MARCHF1: variants seen among roughly 807,000 people sequenced by gnomAD.
MARCHF1 encodes membrane associated ring-CH-type finger 1, also known as E3 ubiquitin-protein ligase MARCHF1.
MARCHF1 carries 40 observed loss-of-function variants against 54.2 expected under a neutral mutation model. The ratio of observed to expected loss-of-function variants is 0.74; its 90% confidence interval spans 0.57 to 0.96. The LOEUF is 0.96. Among genes scored for constraint, MARCHF1 ranks in the 40% least tolerant of loss-of-function variants. The pLI is 0.00. For synonymous variants in MARCHF1, 236 were observed against 236.3 expected (o/e 1.00, Z 0.01); for missense variants, 586 against 656.5 (o/e 0.89, Z 1.17).
At chr4:163,984,004 T>A (rs1212885265) in intron 3 of MARCHF1, among the ~76,000 whole-genome samples, 1 of 151,872 alleles carries the variant, frequency 6.6e-6, no homozygotes, top group African/African-American at 2.4e-5. Flanking sequence ...ACTAAAAATT[T>A]ATTTTACTAA....
At chr4:164,157,585 G>A (rs78670381) in intron 1 of MARCHF1, among the ~76,000 whole-genome samples, 3,480 of 152,196 alleles carry the variant, frequency 0.023, 121 homozygotes, top group African/African-American at 0.078. Flanking sequence ...GCAGGGCCAC[G>A]CTCGCTCTGA....
At chr4:163,826,415 TA>T (rs1265326090) in intron 4 of MARCHF1, among the ~76,000 whole-genome samples, 1 of 152,074 alleles carries the variant, frequency 6.6e-6, no homozygotes, top group African/African-American at 2.4e-5. Context: ...AAAATTCACT[TA>T]AAAAATTTTA....
At chr4:164,380,176 CAGAT>C (rs951178555) in intron 1 of MARCHF1, among the ~76,000 whole-genome samples, 28 of 152,120 alleles carry the variant, frequency 1.8e-4, no homozygotes, top group African/African-American at 6.3e-4. Flanking sequence ...TTTAACATAC[CAGAT>C]ATTCTAAAAC....
chr4:163,632,558 C>T (rs1350202478), intron 5 of MARCHF1, among the ~76,000 whole-genome samples: 1 of 152,196 alleles, frequency 6.6e-6, no homozygotes, highest in Non-Finnish European at 1.5e-5. Context: ...AAACGGCGCA[C>T]CACAAGATTA....
chr4:164,165,565 G>T (rs1262551144), intron 1 of MARCHF1, among the ~76,000 whole-genome samples: 1 of 151,924 alleles, frequency 6.6e-6, no homozygotes, highest in Non-Finnish European at 1.5e-5. Flanking sequence ...ACAGCATTTT[G>T]TTATGGCCAT....
chr4:163,583,389 G>C (rs1740291941), intron 8 of MARCHF1, among the ~76,000 whole-genome samples: 1 of 152,084 alleles, frequency 6.6e-6, no homozygotes, highest in Admixed American at 6.5e-5. Context: ...TGTGGGTGCT[G>C]GGGAAGCAAC....
At chr4:163,743,372 A>G (rs1746263062) in intron 4 of MARCHF1, among the ~76,000 whole-genome samples, 1 of 152,226 alleles carries the variant, frequency 6.6e-6, no homozygotes, top group South Asian at 2.1e-4. Context: ...AAGCATCTAA[A>G]GATTGTTTTC....
At chr4:164,012,359 T>C (rs1753439715) in intron 2 of MARCHF1, among the ~76,000 whole-genome samples, 1 of 151,976 alleles carries the variant, frequency 6.6e-6, no homozygotes, top group Admixed American at 6.6e-5. Flanking sequence ...TGAGCCTAAG[T>C]AAAATGAAGC....
At chr4:164,164,669 G>T (rs1431000) in intron 1 of MARCHF1, among the ~76,000 whole-genome samples, 28,978 of 151,884 alleles carry the variant, frequency 0.19, 4,403 homozygotes, top group African/African-American at 0.41. Context: ...TATGGTGGTG[G>T]AAGAAAATAG....
At chr4:163,934,700 C>T (rs1257018047) in intron 3 of MARCHF1, among the ~76,000 whole-genome samples, 1 of 151,654 alleles carries the variant, frequency 6.6e-6, no homozygotes, top group East Asian at 1.9e-4. Context: ...TTGCCAATTC[C>T]ACCACATGTG....
intron 4 of MARCHF1, among the ~76,000 whole-genome samples, chr4:163,733,546 C>T (rs2111335079): frequency 6.6e-6 from 1 of 150,774 alleles, no homozygotes; most frequent in South Asian, 2.1e-4. Flanking sequence ...TGTTGGTGTG[C>T]TGCACTCATT....
At chr4:163,570,126 C>T (rs1247545224) in intron 8 of MARCHF1, among the ~76,000 whole-genome samples, 1 of 152,094 alleles carries the variant, frequency 6.6e-6, no homozygotes, top group Non-Finnish European at 1.5e-5. Context: ...GCCATACATT[C>T]TGAATGACTG....
rs146548112 is a variant in MARCHF1, at chr4:164,319,516, C to G, written c.-323+64354G>C. 2.9e-3 allele frequency among the ~76,000 whole-genome samples: 439 copies of G among 152,048 alleles called. 2 individuals carry two copies. Among genetic ancestry groups the G allele is most frequent in the Non-Finnish European group, 4.6e-3 (313 of 67,968 alleles). Reference sequence around the variant, plus strand: ...TATTTCTTCGATGAAGAAGCAAGAACAATATTTTAATTAAAAATGTCCTAT... The same window carrying G: ...TATTTCTTCGATGAAGAAGCAAGAAGAATATTTTAATTAAAAATGTCCTAT... On this transcript the variant is annotated intron_variant, in intron 1 of 9. Transcript: ENST00000514618.
intron 1 of MARCHF1, among the ~76,000 whole-genome samples, chr4:164,147,529 T>C (rs1439090706): frequency 7.8e-6 from 1 of 127,722 alleles, no homozygotes; most frequent in Non-Finnish European, 1.6e-5. Context: ...TGTAGGGACA[T>C]GGATGAAATT....
chr4:163,629,285 T>C (rs1418873780), intron 5 of MARCHF1, among the ~76,000 whole-genome samples: 5 of 152,082 alleles, frequency 3.3e-5, no homozygotes, highest in African/African-American at 1.2e-4. Context: ...TTGACAAACC[T>C]GACAAAAACA....
At chr4:163,549,216 C>T (rs1739015414) in intron 8 of MARCHF1, among the ~76,000 whole-genome samples, 1 of 152,192 alleles carries the variant, frequency 6.6e-6, no homozygotes. Context: ...TTGGAGATGA[C>T]TCTATGTTAG....
chr4:164,260,334 A>C (rs552015448), intron 1 of MARCHF1, among the ~76,000 whole-genome samples: 1 of 152,240 alleles, frequency 6.6e-6, no homozygotes, highest in East Asian at 1.9e-4. Context: ...GTTTTGAAGC[A>C]GTGTTAGACA....
At chr4:163,554,634 A>G (rs1375602075) in intron 8 of MARCHF1, among the ~76,000 whole-genome samples, 1 of 152,174 alleles carries the variant, frequency 6.6e-6, no homozygotes, top group Non-Finnish European at 1.5e-5. Flanking sequence ...CAGTTTTCTC[A>G]TTGGTAAAAT....
chr4:164,173,685 T>G (rs150980833), intron 1 of MARCHF1, among the ~76,000 whole-genome samples: 2 of 152,276 alleles, frequency 1.3e-5, no homozygotes, highest in African/African-American at 4.8e-5. Context: ...TGTCCTCCCC[T>G]TTCTCTTGCT....
Sources: allele counts gnomAD v4.1 joint callset (sites outside exome capture counted in the v4.1 genomes callset), GRCh38; gene constraint gnomAD v4.1.1; transcripts MANE v1.5; gene names NCBI Gene and HGNC (gene_info 2026-07-23, HGNC 2026-07-21).